Variants in ARHGAP39 observed in about 807,000 individuals in gnomAD.
The protein encoded by ARHGAP39 is Rho GTPase activating protein 39, also known as rho GTPase-activating protein 39.
Under a neutral mutation model 106.9 loss-of-function variants are expected in ARHGAP39, and 44 were observed. That is an observed-to-expected ratio of 0.41 (90% confidence interval 0.32 to 0.53). The LOEUF (loss-of-function observed/expected upper bound fraction) is 0.53. Ranked by LOEUF, ARHGAP39 falls within the 20% of genes least tolerant of loss-of-function variation. The pLI, the probability that ARHGAP39 is intolerant of heterozygous loss-of-function variation, is 0.21. For missense variants in ARHGAP39, 1,496 were observed against 1,577.3 expected (o/e 0.95, Z 0.87); for synonymous variants, 768 against 693.2 (o/e 1.11, Z -1.69).
At chr8:144,610,584 C>T (rs1022492892) in intron 1 of ARHGAP39, among the ~76,000 whole-genome samples, 3 of 151,814 alleles carry the variant, frequency 2.0e-5, no homozygotes, top group Non-Finnish European at 2.9e-5. Context: ...TGGTGGCGGG[C>T]GCCTGTAGTC....
Position 144,529,601 on chromosome 8 carries a change from G to A in ARHGAP39, c.*821C>T, listed in dbSNP as rs1816571774. The stretch of plus-strand genomic sequence containing the variant: ...AGAAAAGAAGGAATGACCTCAACTT[G>A]CTCTGCACGGAGGACGGGGACGGCT... On this transcript the variant is annotated 3_prime_UTR_variant, in exon 12 of 12. Transcript: ENST00000377307. 1 of 152,330 alleles carries A rather than the reference G, an allele frequency of 6.6e-6. No homozygotes were observed. The highest frequency in any genetic ancestry group is 6.5e-5 in the Admixed American group (1 of 15,288). 9.4% of individuals were successfully genotyped at this position (152,330 alleles called of 1,614,324 possible). A position where few individuals can be genotyped will look rare whatever the true frequency, so the allele number is the denominator to read the frequency against.
intron 1 of ARHGAP39, among the ~76,000 whole-genome samples, chr8:144,607,542 C>T (rs1820338889): frequency 6.6e-6 from 1 of 152,212 alleles, no homozygotes; most frequent in South Asian, 2.1e-4. Flanking sequence ...CTCCCGGATG[C>T]CCCAGCTGGT....
At chr8:144,557,360 G>T (rs1353399066) in intron 3 of ARHGAP39, among the ~76,000 whole-genome samples, 1 of 129,388 alleles carries the variant, frequency 7.7e-6, no homozygotes, top group African/African-American at 2.8e-5. Flanking sequence ...AGTATTCAGA[G>T]GCAAAGGCTG....
intron 2 of ARHGAP39, among the ~76,000 whole-genome samples, chr8:144,592,848 C>A (rs1586588583): frequency 6.6e-6 from 1 of 152,210 alleles, no homozygotes; most frequent in Non-Finnish European, 1.5e-5. Flanking sequence ...CGGAGGCGTA[C>A]AGCTGCTGGC....
intron 1 of ARHGAP39, among the ~76,000 whole-genome samples, chr8:144,658,173 G>C (rs905498310): frequency 6.6e-6 from 1 of 152,018 alleles, no homozygotes; most frequent in African/African-American, 2.4e-5. Flanking sequence ...GAAATGGCGC[G>C]ATCTTGGCTC....
At chr8:144,694,204 A>G in the ARHGAP39 span, among the ~76,000 whole-genome samples, 2 of 152,196 alleles carry the variant, frequency 1.3e-5, no homozygotes, top group Non-Finnish European at 2.9e-5. Flanking sequence ...AATAGGCTGC[A>G]TGGGGCAGGG....
In ARHGAP39 at chr8:144,548,034, C is replaced by A. The variant is rs954018228; in HGVS notation, c.1052G>T (p.Arg351Leu). 6 of 1,604,918 alleles carry A rather than the reference C, an allele frequency of 3.7e-6. No homozygotes were observed. In the East Asian group the frequency reaches 6.7e-5, roughly 18 times the overall value. Residue 351 changes from arginine (R) to leucine (L), a missense_variant, in exon 5 of 12, where the codon CGT (arginine) becomes CTT (leucine). Around this residue, in one of 4 missense-constraint regions of ARHGAP39, gnomAD observed 905 missense variants for 816.4 expected, o/e 1.11. Transcript: ENST00000377307. This position sits in a 1 kb window ranked among gnomAD's most constrained non-coding sequence, Gnocchi z 7.4. Reference sequence around the variant, plus strand: ...GGGCTGGAGGAACGGCCGGGGCTTACGGCCCGGCGACCGCTGGGGAGAGCC... The same window carrying A: ...GGGCTGGAGGAACGGCCGGGGCTTAAGGCCCGGCGACCGCTGGGGAGAGCC... The part of the protein sequence containing the change: ...QAGSPQRSPG[R>L]KPRPFLQPNK...
chr8:144,684,280 C>T lies in ARHGAP39; in HGVS notation c.-82+1406G>A, dbSNP rs1210102128. Reference sequence around the variant, plus strand: ...GAGTCTCCTCGATTTACAGCCACACCTCCTATCAAATCGCCTTTCCCTCCC... The same window carrying T: ...GAGTCTCCTCGATTTACAGCCACACTTCCTATCAAATCGCCTTTCCCTCCC... On this transcript the variant is annotated intron_variant, in intron 1 of 11. Coordinates refer to ENST00000377307, the MANE Select transcript of ARHGAP39 (RefSeq NM_025251.3). The surrounding 1 kb of genome is among the most constrained non-coding windows in gnomAD (Gnocchi z 4.4). 2.0e-5 allele frequency among the ~76,000 whole-genome samples: 3 copies of T among 152,228 alleles called. No homozygotes were observed. The highest frequency in any genetic ancestry group is 2.9e-5 in the Non-Finnish European group (2 of 68,040).
At chr8:144,546,001 G>C (rs961899904) in intron 5 of ARHGAP39, among the ~76,000 whole-genome samples, 191 bp from the exon 6 acceptor site, 3 of 152,240 alleles carry the variant, frequency 2.0e-5, no homozygotes, top group Admixed American at 6.5e-5. Context: ...CACAGATGCA[G>C]CTGGGACGCC....
chr8:144,564,572 T>G (rs547193342), intron 3 of ARHGAP39, among the ~76,000 whole-genome samples: 2 of 152,344 alleles, frequency 1.3e-5, no homozygotes, highest in South Asian at 4.1e-4. Flanking sequence ...TAAAGTTGTA[T>G]TCCATATGTT....
In ARHGAP39 at chr8:144,547,757, G is replaced by C; in HGVS notation, c.1329C>G (p.Val443=). The C allele has an allele frequency of 6.3e-7, 1 of 1,598,888 alleles. No individual in the cohort carries two copies. Among genetic ancestry groups the C allele is most frequent in the Non-Finnish European group, 8.5e-7 (1 of 1,177,724 alleles). The stretch of plus-strand genomic sequence containing the variant: ...CCATGGTGCTGTAGTCTCCGGACTT[G>C]ACGCCCAGGCGCTGGTCCCTCAGCA... ...PCLLRDQRLG[V]KSGDYSTMEG... Residue 443 remains valine, a synonymous_variant, in exon 5 of 12, where the codon GTC becomes GTG. Coordinates refer to ENST00000377307, the MANE Select transcript of ARHGAP39 (RefSeq NM_025251.3). The surrounding 1 kb of genome is among the most constrained non-coding windows in gnomAD (Gnocchi z 5.2).
the ARHGAP39 span, among the ~76,000 whole-genome samples, chr8:144,694,477 T>C: frequency 6.6e-6 from 1 of 152,214 alleles, no homozygotes; most frequent in Admixed American, 6.5e-5. Context: ...TCAGAAATGC[T>C]CCTAGATTTC....
At position 144,580,896 on chromosome 8, in the gene ARHGAP39, C is replaced by T. The variant is rs1272951225; in HGVS notation, c.462G>A (p.Ala154=). ...CAAACGCCGCGGGCCGCCCGGCCCT[C>T]GCTGGCAACTCCTGCGCTTTCTCAG... ...PDTEKAQELP[A]RAGRPAAFGT... Residue 154 remains alanine, a synonymous_variant, in exon 3 of 12, where the codon GCG becomes GCA. Transcript: ENST00000377307. 1.3e-6 allele frequency: 2 copies of T among 1,596,158 alleles called. No individual in the cohort carries two copies. Among genetic ancestry groups the T allele is most frequent in the East Asian group, 2.2e-5 (1 of 44,714 alleles).
chr8:144,536,427 C>A (rs996628315), intron 7 of ARHGAP39, among the ~76,000 whole-genome samples: 3 of 152,182 alleles, frequency 2.0e-5, no homozygotes, highest in Non-Finnish European at 4.4e-5. Context: ...CCACTCCAGG[C>A]ACAGGGGAGT....
chr8:144,554,393 T>C (rs1395260736), intron 4 of ARHGAP39, among the ~76,000 whole-genome samples: 1 of 152,230 alleles, frequency 6.6e-6, no homozygotes, highest in Admixed American at 6.5e-5. Context: ...CTGAAAGCTC[T>C]GTGGGTGCCA....
intron 1 of ARHGAP39, among the ~76,000 whole-genome samples, chr8:144,667,906 A>C (rs1822004639): frequency 6.6e-6 from 1 of 152,242 alleles, no homozygotes; most frequent in Non-Finnish European, 1.5e-5. Context: ...TTTATCTTCA[A>C]AACATTTTTC....
rs533519129 is a variant in ARHGAP39, at chr8:144,666,013, A to T, written c.-82+19673T>A. Among the ~76,000 whole-genome samples, 4 of 152,320 alleles carry T rather than the reference A, an allele frequency of 2.6e-5. No homozygotes were observed. The South Asian group carries it at 8.3e-4, about 32-fold the overall frequency. On this transcript the variant is annotated intron_variant, in intron 1 of 11. Transcript: ENST00000377307. ...CCAGGAGGGAGGCTATACCCTGCAAAGCCACAGAGGTGGAGCTGTCCAACC... is the reference window on the plus strand; with the variant it reads ...CCAGGAGGGAGGCTATACCCTGCAATGCCACAGAGGTGGAGCTGTCCAACC...
chr8:144,633,903 C>G (rs917560864), intron 1 of ARHGAP39, among the ~76,000 whole-genome samples: 41 of 152,218 alleles, frequency 2.7e-4, no homozygotes, highest in African/African-American at 9.9e-4. Context: ...GCTGCCTCTC[C>G]ACATGAGATT....
chr8:144,636,940 CAA>C (rs1375843135), intron 1 of ARHGAP39, among the ~76,000 whole-genome samples: 2 of 152,198 alleles, frequency 1.3e-5, no homozygotes, highest in Admixed American at 1.3e-4. Flanking sequence ...TTAAGAAGTC[CAA>C]AGTTATTCTG....
Sources: gnomAD v4.1 joint callset for allele counts (sites outside exome capture counted in the v4.1 genomes callset) on GRCh38, gnomAD v4.1.1 for gene constraint, gnomAD v4.1.1 regional missense constraint, Gnocchi (gnomAD v3.1) non-coding constraint, MANE v1.5 for transcripts, NCBI Gene and HGNC (gene_info 2026-07-23, HGNC 2026-07-21) for gene names.